The following ATP11A variants were observed in gnomAD, a reference collection of about 807,000 sequenced individuals.
ATP11A encodes ATPase phospholipid transporting 11A.
A neutral mutation model predicts 154.4 loss-of-function variants in ATP11A; 81 were observed. The ratio of observed to expected loss-of-function variants is 0.52; its 90% CI spans 0.44 to 0.63. The LOEUF is 0.63. ATP11A is among the 30% of genes least tolerant of loss of function. ATP11A has a pLI of 0.00. For missense variants in ATP11A, 1,316 were observed against 1,474.3 expected (o/e 0.89, Z 1.76); for synonymous variants, 623 against 585.9 (o/e 1.06, Z -0.91).
rs777883603 is a variant in ATP11A, at chr13:112,858,195, A to G, written c.2572A>G (p.Ile858Val). Residue 858 changes from isoleucine (I) to valine (V), a missense_variant, in exon 22 of 30, where the codon ATC becomes GTC. Ile to Val is a conservative substitution (Grantham distance 29, BLOSUM62 3). Coordinates refer to ENST00000375645, the MANE Select transcript of ATP11A (RefSeq NM_015205.3). ...RQAARNSDYA[I>V]PKFKHLKKML... Reference sequence around the variant, plus strand: ...GGCTGCCAGGAACAGCGACTATGCAATCCCAAAGTTTAAGCATTTGAAGAA... The same window carrying G: ...GGCTGCCAGGAACAGCGACTATGCAGTCCCAAAGTTTAAGCATTTGAAGAA... The G allele has an allele frequency of 1.9e-6, 3 of 1,614,078 alleles. No individual in the cohort carries two copies. The highest frequency in any genetic ancestry group is 4.5e-5 in the East Asian group (2 of 44,888).
intron 1 of ATP11A, among the ~76,000 whole-genome samples, chr13:112,702,807 C>T (rs1347863553): frequency 2.0e-5 from 3 of 152,262 alleles, no homozygotes; most frequent in East Asian, 3.8e-4. Flanking sequence ...TCGCAGCGCC[C>T]CCACCTCGGT....
chr13:112,757,185 C>T (rs1349104305), intron 1 of ATP11A, among the ~76,000 whole-genome samples: 1 of 152,232 alleles, frequency 6.6e-6, no homozygotes, highest in Non-Finnish European at 1.5e-5. Flanking sequence ...AGAATGGCCG[C>T]CTGTGACAGA....
In ATP11A at chr13:112,873,605, C is replaced by T. The variant is rs2080616240; in HGVS notation, c.3090C>T (p.Ile1030=). 2 of 1,612,462 alleles carry T rather than the reference C, an allele frequency of 1.2e-6. No homozygotes were observed. The highest frequency in any genetic ancestry group is 8.5e-7 in the Non-Finnish European group (1 of 1,179,598). The change falls in exon 27 of 30, where the codon ATC becomes ATT. Residue 1030 remains isoleucine (I), a synonymous_variant. Coordinates refer to ENST00000375645, the MANE Select transcript of ATP11A (RefSeq NM_015205.3). ...TGGACACACACTACTGGACTTGGAT[C>T]AACCATTTTGTCATCTGGGGGTCGC... The part of the protein sequence containing the change: ...LALDTHYWTW[I]NHFVIWGSLL...
intron 7 of ATP11A, 61 bp downstream of exon 7, chr13:112,819,468 T>C: frequency 2.1e-6 from 3 of 1,438,738 alleles, no homozygotes; most frequent in South Asian, 1.2e-5. Flanking sequence ...TTGCTCTTGC[T>C]TTTTCACCCC....
At chr13:112,844,467 G>C (rs565486198) in intron 17 of ATP11A, among the ~76,000 whole-genome samples, 92 of 152,310 alleles carry the variant, frequency 6.0e-4, no homozygotes, top group African/African-American at 2.2e-3. Context: ...CCTAGAGACT[G>C]TCTCGCGCCC....
At chr13:112,842,243 G>A (rs751749718) in intron 16 of ATP11A, 33 bp from the exon 17 acceptor site, 1 of 1,489,872 alleles carries the variant, frequency 6.7e-7, no homozygotes, top group Non-Finnish European at 9.3e-7. Context: ...TCCCCATATT[G>A]TGATTAAACT....
chr13:112,769,156 C>G (rs1411912624), intron 1 of ATP11A, among the ~76,000 whole-genome samples: 1 of 152,208 alleles, frequency 6.6e-6, no homozygotes, highest in East Asian at 1.9e-4. Context: ...GGCTCCTACC[C>G]TTCCCCATGC....
chr13:112,816,316 T>C (rs1233574296), intron 6 of ATP11A, 105 bp downstream of exon 6: 1 of 1,473,768 alleles, frequency 6.8e-7, no homozygotes, highest in African/African-American at 1.4e-5. Context: ...AAGTCACCGT[T>C]TTCATGTAAC....
intron 1 of ATP11A, among the ~76,000 whole-genome samples, chr13:112,700,469 T>G (rs1484474521): frequency 6.6e-6 from 1 of 152,166 alleles, no homozygotes; most frequent in Admixed American, 6.5e-5. Flanking sequence ...AGCAGCCCTG[T>G]GAAGGAGCAC....
At chr13:112,741,897 T>C (rs1756075) in intron 1 of ATP11A, among the ~76,000 whole-genome samples, 35,204 of 152,018 alleles carry the variant, frequency 0.23, 5,295 homozygotes, top group African/African-American at 0.42. Context: ...AGATTGCTCC[T>C]CTTCCCCAGA....
In ATP11A at chr13:112,853,442, A is replaced by G. The variant is rs1324923566; in HGVS notation, c.1992-837A>G. ...ATCCTTCCAGTTAGAATTTAAATCC[A>G]TTCCTTTCATACTTTCTAGAAGCAT... On this transcript the variant is annotated intron_variant, in intron 18 of 29. Transcript: ENST00000375645. 2.0e-5 allele frequency among the ~76,000 whole-genome samples: 3 copies of G among 152,160 alleles called. No homozygotes were observed. In the East Asian group the frequency reaches 5.8e-4, roughly 29 times the overall value.
intron 1 of ATP11A, among the ~76,000 whole-genome samples, chr13:112,714,134 C>G (rs1176262452): frequency 6.6e-6 from 1 of 151,838 alleles, no homozygotes; most frequent in Non-Finnish European, 1.5e-5. Context: ...CCCACAACTC[C>G]CTTCCACTCC....
intron 6 of ATP11A, among the ~76,000 whole-genome samples, chr13:112,818,021 AT>A (rs2078689979): frequency 6.6e-6 from 1 of 152,240 alleles, no homozygotes; most frequent in Non-Finnish European, 1.5e-5. Flanking sequence ...TGAGGATAAG[AT>A]TAGAAAATTC....
In ATP11A at chr13:112,884,810, C is replaced by T. The variant is rs2140461915; in HGVS notation, c.*2944C>T. The T allele has an allele frequency of 1.3e-5, 2 of 150,756 alleles. No homozygotes were observed. The highest frequency in any genetic ancestry group is 4.1e-4 in the South Asian group (2 of 4,878). 9.3% of individuals were successfully genotyped at this position (150,756 alleles called of 1,614,324 possible). ...GCCTGCTGCATGATTCACACCCAGT[C>T]CCTGCCACAGACCGTCTCAGACACG... On this transcript the variant is annotated 3_prime_UTR_variant, in exon 30 of 30. Transcript: ENST00000375645.
At position 112,807,833 on chromosome 13, in the gene ATP11A, G is replaced by A. The variant is rs73567199; in HGVS notation, c.333+1540G>A. On this transcript the variant is annotated intron_variant, in intron 4 of 29. Transcript: ENST00000375645. The surrounding 1 kb of genome is among the most constrained non-coding windows in gnomAD (Gnocchi z 4.5). ...GAGACCCCTGAGCCTCTCAAGGGGA[G>A]CAGAGAGAAGGGGCGCGGGGGTGCA... 0.011 allele frequency among the ~76,000 whole-genome samples: 1,675 copies of A among 152,276 alleles called. 33 individuals are homozygous for A. The highest frequency in any genetic ancestry group is 0.038 in the African/African-American group (1,583 of 41,548).
At chr13:112,843,124 G>T (rs1355272319) in intron 17 of ATP11A, among the ~76,000 whole-genome samples, 1 of 152,072 alleles carries the variant, frequency 6.6e-6, no homozygotes, top group South Asian at 2.1e-4. Flanking sequence ...ACGCATGGTT[G>T]GGTGGACGTG....
At chr13:112,745,618 A>G (rs185677455) in intron 1 of ATP11A, 55 of 152,352 alleles carry the variant, frequency 3.6e-4, no homozygotes, top group African/African-American at 1.2e-3. Flanking sequence ...GTTCCTCCTC[A>G]CAGCTATATA....
At chr13:112,765,955 G>T (rs374433) in intron 1 of ATP11A, among the ~76,000 whole-genome samples, 1 of 152,216 alleles carries the variant, frequency 6.6e-6, no homozygotes, top group Non-Finnish European at 1.5e-5. Context: ...CCGGTGTCCG[G>T]CGTTGATCCT....
chr13:112,769,086 A>C (rs560464004), intron 1 of ATP11A, among the ~76,000 whole-genome samples: 1 of 152,272 alleles, frequency 6.6e-6, no homozygotes, highest in Admixed American at 6.5e-5. Flanking sequence ...GAAGGTTTGC[A>C]AGTCGGGAGA....
Sources: gnomAD v4.1 joint callset for allele counts (sites outside exome capture counted in the v4.1 genomes callset) on GRCh38, gnomAD v4.1.1 for gene constraint, Gnocchi (gnomAD v3.1) non-coding constraint, MANE v1.5 for transcripts, NCBI Gene and HGNC (gene_info 2026-07-23, HGNC 2026-07-21) for gene names.